CCDC198: variants seen among roughly 807,000 people sequenced by gnomAD.
CCDC198 encodes the protein factor associated with metabolism and energy.
A neutral mutation model predicts 35.6 loss-of-function variants in CCDC198; 18 were observed. That is an observed-to-expected ratio of 0.51 (90% confidence interval 0.35 to 0.75). The LOEUF is 0.75. Ranked by LOEUF, CCDC198 falls within the 30% of genes least tolerant of loss-of-function variation. CCDC198 has a pLI of 0.01. For missense variants in CCDC198, 365 were observed against 343.7 expected (o/e 1.06, Z -0.49); for synonymous variants, 119 against 113.4 (o/e 1.05, Z -0.31).
intron 5 of CCDC198, among the ~76,000 whole-genome samples, chr14:57,474,104 T>C (rs1471376958): frequency 1.3e-5 from 2 of 152,222 alleles, no homozygotes; most frequent in African/African-American, 2.4e-5. Flanking sequence ...TTGTTAAACA[T>C]CTCTTTGTTA....
At chr14:57,489,983 T>A (rs900173154) in intron 2 of CCDC198, among the ~76,000 whole-genome samples, 1 of 152,186 alleles carries the variant, frequency 6.6e-6, no homozygotes, top group Non-Finnish European at 1.5e-5. Context: ...ATAATGATTT[T>A]ATAGTTTCTA....
At chr14:57,474,711 T>A (rs1386962933) in intron 5 of CCDC198, among the ~76,000 whole-genome samples, 2 of 152,162 alleles carry the variant, frequency 1.3e-5, no homozygotes, top group Non-Finnish European at 2.9e-5. Flanking sequence ...TTATAGACTT[T>A]AAAAAATAAA....
In CCDC198 at chr14:57,481,566, C is replaced by A. The variant is rs2067187363; in HGVS notation, c.488G>T (p.Arg163Ile). 6.2e-7 allele frequency: 1 copy of A among 1,608,764 alleles called. No individual in the cohort carries two copies. ...KMQVLEMIRK[R>I]QEAQMELKKS... The stretch of plus-strand genomic sequence containing the variant: ...CACTCTTCTCGTATTTACCTCTTGT[C>A]TTTTACGGATCATTTCCAGCACTTG... Residue 163 changes from arginine (R) to isoleucine (I), a missense_variant, in exon 4 of 6, where the codon AGA becomes ATA. By Grantham distance (97) the Arg-to-Ile change is moderately conservative. Coordinates refer to ENST00000216445, the MANE Select transcript of CCDC198 (RefSeq NM_018168.4).
intron 5 of CCDC198, chr14:57,475,788 CTTTTTTTTTTTTTTTTTTT>C (rs548486752): frequency 2.8e-4 from 30 of 108,852 alleles, no homozygotes; most frequent in Admixed American, 9.8e-4. Context: ...CACTTAGCTT[CTTTTTTTTTTTTTTTTTTT>C]TTTTTTTTTT....
At chr14:57,475,691 G>C in intron 5 of CCDC198, 2 of 409,698 alleles carry the variant, frequency 4.9e-6, no homozygotes, top group South Asian at 1.7e-5. Context: ...TGGGTAACAG[G>C]AGCGAAACTC....
At chr14:57,472,895 C>A (rs1321170344) in intron 5 of CCDC198, among the ~76,000 whole-genome samples, 2 of 152,148 alleles carry the variant, frequency 1.3e-5, no homozygotes, top group Non-Finnish European at 2.9e-5. Flanking sequence ...CCAGAGTTTC[C>A]CACTAGACTG....
rs759355354 is a variant in CCDC198 at position 57,493,689 on chromosome 14, G to A, written c.27C>T (p.His9=). Residue 9 remains histidine (H), a synonymous_variant, in exon 1 of 6, where the codon CAC becomes CAT. Transcript: ENST00000216445. ...AAGGTGCTACTTTGATCACCCTAAG[G>A]TGAGTCTTAGAGTGACTCAGGCCCA... MGLSHSKT[H]LRVIKVAPLQ... is the part of the protein sequence containing the mutation. 2.5e-6 allele frequency: 4 copies of A among 1,613,412 alleles called. No homozygotes were observed. The highest frequency in any genetic ancestry group is 3.4e-6 in the Non-Finnish European group (4 of 1,179,648).
intron 3 of CCDC198, among the ~76,000 whole-genome samples, chr14:57,482,840 G>A (rs150470590): frequency 6.6e-6 from 1 of 152,252 alleles, no homozygotes; most frequent in Non-Finnish European, 1.5e-5. Context: ...AGCAGAAAAG[G>A]GTGCAGAGCT....
rs372974309 is a variant in CCDC198 at position 57,482,620 on chromosome 14, G to C, written c.393+445C>G. On this transcript the variant is annotated intron_variant, in intron 3 of 5. Coordinates refer to ENST00000216445, the MANE Select transcript of CCDC198 (RefSeq NM_018168.4). ...AAGATACACAGAAGACATTTCCCAG[G>C]ATTAATTTTTGGTGAGGTTGTGTCA... 2.0e-4 allele frequency among the ~76,000 whole-genome samples: 31 copies of C among 152,272 alleles called. No individual in the cohort carries two copies. The East Asian group carries it at 4.4e-3, about 22-fold the overall frequency.
intron 4 of CCDC198, among the ~76,000 whole-genome samples, chr14:57,481,243 T>C (rs988766555): frequency 3.3e-5 from 5 of 152,184 alleles, no homozygotes; most frequent in African/African-American, 9.7e-5. Flanking sequence ...ACTCACCCCC[T>C]CCTCCTTTCA....
chr14:57,476,565 T>TA (rs1455703910), intron 5 of CCDC198, among the ~76,000 whole-genome samples: 1 of 152,344 alleles, frequency 6.6e-6, no homozygotes, highest in African/African-American at 2.4e-5. Flanking sequence ...TTGTGTCATA[T>TA]GATTGTATAT....
chr14:57,471,967 C>A (rs565002041), intron 5 of CCDC198, among the ~76,000 whole-genome samples: 2 of 151,970 alleles, frequency 1.3e-5, no homozygotes, highest in African/African-American at 4.8e-5. Context: ...CACCTCCCCC[C>A]TAAATATATC....
chr14:57,472,442 A>C (rs1180444937), intron 5 of CCDC198, among the ~76,000 whole-genome samples: 1 of 152,150 alleles, frequency 6.6e-6, no homozygotes. Flanking sequence ...CTTGTTATTA[A>C]ATTGAGGTTA....
At chr14:57,477,394 A>G (rs942924947) in intron 5 of CCDC198, among the ~76,000 whole-genome samples, 19 of 152,190 alleles carry the variant, frequency 1.2e-4, no homozygotes, top group African/African-American at 4.6e-4. Context: ...CTAGTTAATT[A>G]TGATATCATT....
Position 57,470,130 on chromosome 14 carries a change from G to T in CCDC198, c.*1225C>A, listed in dbSNP as rs1272536156. ...CTCTAAAATCTACATCATAATCTAA[G>T]AAGTCTTAATTTTGAACTTTAATTC... On this transcript the variant is annotated 3_prime_UTR_variant, in exon 6 of 6. Transcript: ENST00000216445. 6.6e-6 allele frequency: 1 copy of T among 152,108 alleles called. No homozygotes were observed. The highest frequency in any genetic ancestry group is 1.5e-5 in the Non-Finnish European group (1 of 68,028). The allele number at this position is 152,108 out of a possible 1,614,324, so 9.4% of individuals were successfully genotyped here.
At chr14:57,481,737 G>T in intron 3 of CCDC198, 77 bp from the exon 4 acceptor site, 2 of 907,280 alleles carry the variant, frequency 2.2e-6, no homozygotes, top group Non-Finnish European at 3.5e-6. Context: ...GATCCTTTTT[G>T]AAACAGAGTC....
At chr14:57,488,181 T>A (rs1701517001) in intron 2 of CCDC198, among the ~76,000 whole-genome samples, 2 of 152,154 alleles carry the variant, frequency 1.3e-5, no homozygotes, top group South Asian at 4.1e-4. Flanking sequence ...AAAAAACTGA[T>A]CTTTGGGGAG....
At chr14:57,489,833 A>G (rs556327290) in intron 2 of CCDC198, among the ~76,000 whole-genome samples, 10 of 152,282 alleles carry the variant, frequency 6.6e-5, no homozygotes, top group South Asian at 2.1e-4. Flanking sequence ...AGAAACATGT[A>G]TTAAACTCAT....
At chr14:57,478,236 C>A (rs963014230) in intron 5 of CCDC198, among the ~76,000 whole-genome samples, 36 of 152,136 alleles carry the variant, frequency 2.4e-4, no homozygotes, top group Admixed American at 2.6e-4. Flanking sequence ...TCACAACCCC[C>A]ACATTTGCAA....
Sources: allele counts gnomAD v4.1 joint callset (sites outside exome capture counted in the v4.1 genomes callset), GRCh38; gene constraint gnomAD v4.1.1; transcripts MANE v1.5; gene names NCBI Gene and HGNC (gene_info 2026-07-23, HGNC 2026-07-21).